RGS6: variants seen among roughly 807,000 people sequenced by gnomAD.
The protein encoded by RGS6 is regulator of G-protein signaling 6.
Under a neutral mutation model 78.5 loss-of-function variants are expected in RGS6, and 30 were observed. The ratio of observed to expected loss-of-function variants is 0.38; its 90% CI spans 0.29 to 0.52. RGS6 has a LOEUF of 0.52. Ranked by LOEUF, RGS6 falls within the 20% of genes least tolerant of loss-of-function variation. The pLI, the probability that RGS6 is intolerant of heterozygous loss-of-function variation, is 0.85. For missense variants in RGS6, 495 were observed against 609.7 expected, an observed-to-expected ratio of 0.81 and a Z score of 1.98; for synonymous variants, 206 against 206.0, an observed-to-expected ratio of 1.00 and a Z score of 0.00.
chr14:72,255,717 A>G (rs1441253502), intron 2 of RGS6, among the ~76,000 whole-genome samples: 3 of 152,204 alleles, frequency 2.0e-5, no homozygotes, highest in Non-Finnish European at 2.9e-5. Context: ...ATACCTCTCT[A>G]TGTTCAAAGA....
At chr14:71,885,755 T>C in the RGS6 span, among the ~76,000 whole-genome samples, 2 of 86,670 alleles carry the variant, frequency 2.3e-5, no homozygotes, top group African/African-American at 5.3e-5. Context: ...ATACTAGCAA[T>C]TCTTTCCAAT....
At chr14:72,222,096 A>G (rs111738276) in intron 2 of RGS6, among the ~76,000 whole-genome samples, 2,575 of 152,330 alleles carry the variant, frequency 0.017, 38 homozygotes, top group African/African-American at 0.03. Context: ...ATCAACTAAT[A>G]CTAGCATTGT....
chr14:72,439,750 C>T (rs1566851138), intron 3 of RGS6, among the ~76,000 whole-genome samples: 1 of 152,184 alleles, frequency 6.6e-6, no homozygotes, highest in Non-Finnish European at 1.5e-5. Context: ...TGATGGGTGA[C>T]ACCAACAGGA....
intron 2 of RGS6, among the ~76,000 whole-genome samples, chr14:71,999,785 T>C (rs1027264489): frequency 3.0e-5 from 3 of 101,656 alleles, no homozygotes; most frequent in African/African-American, 9.0e-5. Flanking sequence ...ATTGTAAGCT[T>C]CCTGAGGCCT....
intron 3 of RGS6, among the ~76,000 whole-genome samples, chr14:72,395,382 C>A (rs1255338929): frequency 6.6e-6 from 1 of 151,958 alleles, no homozygotes; most frequent in Admixed American, 6.6e-5. Context: ...GCTAGATAGA[C>A]ACACTATAAA....
chr14:72,446,724 G>A (rs138452368), intron 3 of RGS6, among the ~76,000 whole-genome samples: 3 of 152,320 alleles, frequency 2.0e-5, no homozygotes, highest in African/African-American at 7.2e-5. Context: ...TTGTTTTCCT[G>A]TAACTAGACA....
chr14:72,333,777 CA>C (rs1219421483), intron 2 of RGS6, among the ~76,000 whole-genome samples: 1 of 152,158 alleles, frequency 6.6e-6, no homozygotes, highest in Non-Finnish European at 1.5e-5. Context: ...TCATACTTCC[CA>C]AAACCCTCCA....
chr14:71,898,611 T>C, the RGS6 span, among the ~76,000 whole-genome samples: 1 of 152,306 alleles, frequency 6.6e-6, no homozygotes, highest in East Asian at 1.9e-4. Flanking sequence ...CAACCCATCA[T>C]CCAGGTTTTA....
At chr14:72,384,638 G>T (rs532998714) in intron 3 of RGS6, among the ~76,000 whole-genome samples, 1 of 152,116 alleles carries the variant, frequency 6.6e-6, no homozygotes, top group Non-Finnish European at 1.5e-5. Context: ...CCTCTTTTCC[G>T]ATCAGTTCCC....
chr14:72,134,478 G>A (rs769722873), intron 2 of RGS6, among the ~76,000 whole-genome samples: 8 of 132,130 alleles, frequency 6.1e-5, no homozygotes, highest in Admixed American at 7.6e-5. Flanking sequence ...ATTTTCCTTT[G>A]TTTTATGTAC....
chr14:72,332,747 TG>T (rs1470851776), intron 2 of RGS6, among the ~76,000 whole-genome samples: 6 of 152,046 alleles, frequency 3.9e-5, no homozygotes, highest in Middle Eastern at 3.2e-3. Flanking sequence ...AAGGAGAGGG[TG>T]GGGGCTGTGG....
intron 17 of RGS6, among the ~76,000 whole-genome samples, chr14:72,551,273 C>T (rs1277489052): frequency 6.6e-6 from 1 of 152,160 alleles, no homozygotes; most frequent in Non-Finnish European, 1.5e-5. Context: ...TTCTATATTC[C>T]CTGGGGACTA....
intron 2 of RGS6, among the ~76,000 whole-genome samples, chr14:72,203,154 C>T (rs796350019): frequency 2.0e-5 from 3 of 152,070 alleles, no homozygotes; most frequent in East Asian, 1.9e-4. Context: ...GGATTATAGG[C>T]GTGAGCCACT....
At chr14:71,994,271 A>G (rs1047851404) in intron 2 of RGS6, among the ~76,000 whole-genome samples, 1 of 152,068 alleles carries the variant, frequency 6.6e-6, no homozygotes, top group African/African-American at 2.4e-5. Context: ...AGTAGTACCT[A>G]ACGAAGAATT....
chr14:72,619,216 T>C, the RGS6 span: 42 of 1,379,772 alleles, frequency 3.0e-5, no homozygotes, highest in East Asian at 2.5e-4. Context: ...GCTGGATATG[T>C]GGGAGGAGGG....
chr14:72,433,469 C>T (rs1446994432), intron 3 of RGS6, among the ~76,000 whole-genome samples: 2 of 151,828 alleles, frequency 1.3e-5, no homozygotes. Flanking sequence ...ACTGCACATC[C>T]TGCACATGTT....
chr14:72,359,564 A>G (rs1211514033), intron 3 of RGS6, among the ~76,000 whole-genome samples: 1 of 152,192 alleles, frequency 6.6e-6, no homozygotes, highest in African/African-American at 2.4e-5. Context: ...CAGTATTTAG[A>G]GCCATAGGAA....
chr14:72,055,636 T>A (rs896731617), intron 2 of RGS6, among the ~76,000 whole-genome samples: 4 of 152,286 alleles, frequency 2.6e-5, no homozygotes, highest in African/African-American at 9.6e-5. Flanking sequence ...GAGCCCAGCA[T>A]TGAACATAGG....
the RGS6 span, among the ~76,000 whole-genome samples, chr14:72,625,808 C>T: frequency 3.3e-5 from 5 of 152,274 alleles, no homozygotes; most frequent in Admixed American, 3.3e-4. Flanking sequence ...AAACCAATGC[C>T]TTCAATCTAG....
Sources: allele counts gnomAD v4.1 joint callset (sites outside exome capture counted in the v4.1 genomes callset), GRCh38; gene constraint gnomAD v4.1.1; transcripts MANE v1.5; gene names NCBI Gene and HGNC (gene_info 2026-07-23, HGNC 2026-07-21).